The following PEPD variants were observed in gnomAD, a reference collection of about 807,000 sequenced individuals.
The protein encoded by PEPD is xaa-Pro dipeptidase.
Under a neutral mutation model 60.7 loss-of-function variants are expected in PEPD, and 53 were observed. The ratio of observed to expected loss-of-function variants is 0.87; its 90% CI spans 0.70 to 1.10. The LOEUF (loss-of-function observed/expected upper bound fraction) is 1.10. Ranked by LOEUF, PEPD falls within the 50% of genes least tolerant of loss-of-function variation. PEPD has a pLI of 0.00. For missense variants in PEPD, 711 were observed against 711.9 expected, an observed-to-expected ratio of 1.00 and a Z score of 0.01; for synonymous variants, 267 against 284.1, an observed-to-expected ratio of 0.94 and a Z score of 0.60.
intron 2 of PEPD, 43 bp from the exon 3 acceptor site, chr19:33,511,198 G>C (rs778017783): frequency 7.4e-6 from 12 of 1,610,910 alleles, no homozygotes; most frequent in Non-Finnish European, 1.0e-5. Context: ...TGGAACATGA[G>C]GTGCAAGGAG....
At chr19:33,496,770 C>A (rs1420387992) in intron 4 of PEPD, among the ~76,000 whole-genome samples, 1 of 152,238 alleles carries the variant, frequency 6.6e-6, no homozygotes, top group Non-Finnish European at 1.5e-5. Context: ...GCAGATGGAG[C>A]TGGATGGTCA....
At chr19:33,517,647 G>T (rs1437187138) in intron 1 of PEPD, among the ~76,000 whole-genome samples, 2 of 151,930 alleles carry the variant, frequency 1.3e-5, no homozygotes, top group Non-Finnish European at 2.9e-5. Context: ...CTACCGCACA[G>T]ACAAGGAAAG....
intron 6 of PEPD, among the ~76,000 whole-genome samples, chr19:33,489,659 T>C (rs1412221962): frequency 6.6e-6 from 1 of 150,886 alleles, no homozygotes. Context: ...AGAAAGGGGG[T>C]GGTGGCTTGA....
chr19:33,451,622 C>T (rs77157349), intron 9 of PEPD, among the ~76,000 whole-genome samples: 1,708 of 152,262 alleles, frequency 0.011, 26 homozygotes, highest in South Asian at 0.071. Flanking sequence ...TCTCCTAACA[C>T]GGGGAGGCTC....
chr19:33,447,429 C>T (rs914829513), intron 9 of PEPD, among the ~76,000 whole-genome samples: 4 of 152,234 alleles, frequency 2.6e-5, no homozygotes, highest in East Asian at 1.9e-4. Context: ...ATCCATTTCC[C>T]GCTGTCCCCC....
intron 11 of PEPD, 56 bp downstream of exon 11, chr19:33,411,616 G>T: frequency 1.0e-6 from 1 of 986,202 alleles, no homozygotes. Flanking sequence ...TTGAAGTTGA[G>T]TCCAACCTTG....
At chr19:33,392,843 G>C (rs1968258525) in intron 12 of PEPD, among the ~76,000 whole-genome samples, 1 of 152,174 alleles carries the variant, frequency 6.6e-6, no homozygotes, top group Non-Finnish European at 1.5e-5. Context: ...GAACAGGGAT[G>C]AGAGTCCACA....
At chr19:33,405,743 C>T (rs1029461403) in intron 11 of PEPD, among the ~76,000 whole-genome samples, 7 of 152,368 alleles carry the variant, frequency 4.6e-5, no homozygotes, top group East Asian at 3.9e-4. Context: ...TGAGGCTCCC[C>T]GTGCCATGGC....
At chr19:33,455,460 T>C (rs73590212) in intron 9 of PEPD, among the ~76,000 whole-genome samples, 16,478 of 151,842 alleles carry the variant, frequency 0.11, 956 homozygotes, top group African/African-American at 0.15. Context: ...GTGATAAATA[T>C]TTATCTGAAA....
chr19:33,388,775 C>T (rs937995971), intron 13 of PEPD: 2 of 159,646 alleles, frequency 1.3e-5, no homozygotes, highest in African/African-American at 4.8e-5. Flanking sequence ...GGTAGAGCCG[C>T]TCCCTGCAGG....
chr19:33,492,001 T>C (rs4805897), intron 5 of PEPD, among the ~76,000 whole-genome samples: 2 of 148,996 alleles, frequency 1.3e-5, no homozygotes, highest in Non-Finnish European at 3.0e-5. Flanking sequence ...GGGAGGAAAG[T>C]CTTTGAAGAG....
At chr19:33,387,585 T>C in intron 14 of PEPD, 104 bp from the exon 15 acceptor site, 1 of 1,445,112 alleles carries the variant, frequency 6.9e-7, no homozygotes, top group Non-Finnish European at 9.6e-7. Flanking sequence ...TGGGAGCAGC[T>C]GACACTCCCT....
chr19:33,479,107 C>T (rs1451936649), intron 6 of PEPD, among the ~76,000 whole-genome samples: 1 of 152,024 alleles, frequency 6.6e-6, no homozygotes, highest in Non-Finnish European at 1.5e-5. Context: ...CTTTTGCATG[C>T]TATTTAAATT....
At chr19:33,448,368 T>C (rs1969631952) in intron 9 of PEPD, among the ~76,000 whole-genome samples, 1 of 152,064 alleles carries the variant, frequency 6.6e-6, no homozygotes, top group South Asian at 2.1e-4. Context: ...GGGCGTCTGG[T>C]CCACCTGCCC....
intron 12 of PEPD, among the ~76,000 whole-genome samples, chr19:33,392,718 C>A (rs139528399): frequency 6.6e-6 from 1 of 152,206 alleles, no homozygotes; most frequent in African/African-American, 2.4e-5. Context: ...TGCATGGTCC[C>A]GATCACTGCT....
chr19:33,496,983 C>A (rs1200317678), intron 4 of PEPD, among the ~76,000 whole-genome samples: 1 of 152,286 alleles, frequency 6.6e-6, no homozygotes, highest in Non-Finnish European at 1.5e-5. Context: ...AGAGAGCTGG[C>A]TCTGCCCTGC....
At chr19:33,439,634 G>A (rs1470786699) in intron 9 of PEPD, among the ~76,000 whole-genome samples, 2 of 152,166 alleles carry the variant, frequency 1.3e-5, no homozygotes, top group African/African-American at 4.8e-5. Flanking sequence ...GACACCCCAG[G>A]TGGGAAGGAT....
chr19:33,511,143 G>C lies in PEPD; in HGVS notation c.214C>G (p.His72Asp), dbSNP rs201752816. The C allele has an allele frequency of 3.7e-6, 6 of 1,614,054 alleles. No homozygotes were observed. The highest frequency in any genetic ancestry group is 2.7e-5 in the African/African-American group (2 of 75,042). Residue 72 changes from histidine to aspartate, a missense_variant, in exon 3 of 15, where the codon CAC becomes GAC. By Grantham distance (81) the His-to-Asp change is moderately conservative. Transcript: ENST00000244137. The stretch of plus-strand genomic sequence containing the variant: ...GGCTCAGTGACACCGAACGCCCAGT[G>C]AAAGAAGGACTCCTGTGGCGGGAAC... ...GVLFRQESFF[H>D]WAFGVTEPGC... is the part of the protein sequence containing the mutation.
chr19:33,454,152 G>A (rs1969753226), intron 9 of PEPD, among the ~76,000 whole-genome samples: 1 of 152,190 alleles, frequency 6.6e-6, no homozygotes, highest in Admixed American at 6.5e-5. Context: ...ATGCCAGAAA[G>A]GAAGGGAATG....
Sources: gnomAD v4.1 joint callset for allele counts (sites outside exome capture counted in the v4.1 genomes callset) on GRCh38, gnomAD v4.1.1 for gene constraint, MANE v1.5 for transcripts, NCBI Gene and HGNC (gene_info 2026-07-23, HGNC 2026-07-21) for gene names.